Variants in CSGALNACT1 observed in about 807,000 individuals in gnomAD.
CSGALNACT1 encodes the protein chondroitin sulfate N-acetylgalactosaminyltransferase 1.
Under a neutral mutation model 51.0 loss-of-function variants are expected in CSGALNACT1, and 52 were observed. The ratio of observed to expected loss-of-function variants is 1.02; its 90% CI spans 0.82 to 1.29. The LOEUF (loss-of-function observed/expected upper bound fraction) is 1.29. Ranked by LOEUF, CSGALNACT1 falls within the 50% of genes most tolerant of loss-of-function variation. CSGALNACT1 has a pLI of 0.00. For missense variants in CSGALNACT1, 935 were observed against 679.2 expected, an observed-to-expected ratio of 1.38 and a Z score of -4.19; for synonymous variants, 341 against 254.4, an observed-to-expected ratio of 1.34 and a Z score of -3.24.
chr8:19,688,574 G>A (rs2061110479), intron 1 of CSGALNACT1: 1 of 152,136 alleles, frequency 6.6e-6, no homozygotes, highest in African/African-American at 2.4e-5. Flanking sequence ...ATACATGATA[G>A]AAACAATGCC....
intron 3 of CSGALNACT1, among the ~76,000 whole-genome samples, chr8:19,540,999 T>C (rs554531135): frequency 2.0e-5 from 3 of 152,276 alleles, no homozygotes; most frequent in Admixed American, 1.3e-4. Flanking sequence ...AAAGAAAGAA[T>C]GACATCTTAA....
rs539458766 is a variant in CSGALNACT1, at chr8:19,707,288, A to T, written c.-297+50562T>A. Among the ~76,000 whole-genome samples, 109 of 152,340 alleles carry T rather than the reference A, an allele frequency of 7.2e-4. 1 individual carries two copies. Among genetic ancestry groups the T allele is most frequent in the Non-Finnish European group, 1.1e-3 (78 of 68,030 alleles). ...TAAGTGTTCTATAATTAGGCATAAC[A>T]AATTACAACTTTTAAATCTCAATTA... is the stretch of plus-strand genomic sequence containing the variant. On this transcript the variant is annotated intron_variant, in intron 1 of 1. Coordinates refer to the CSGALNACT1 transcript ENST00000517494.
At chr8:19,504,550 A>G (rs2076961637) in intron 4 of CSGALNACT1, among the ~76,000 whole-genome samples, 1 of 152,158 alleles carries the variant, frequency 6.6e-6, no homozygotes, top group African/African-American at 2.4e-5. Context: ...ACAAACACAA[A>G]TTAATACTAG....
chr8:19,593,553 T>G (rs1465108205), intron 2 of CSGALNACT1, among the ~76,000 whole-genome samples: 1 of 152,190 alleles, frequency 6.6e-6, no homozygotes, highest in African/African-American at 2.4e-5. Context: ...AGATGACCCT[T>G]TGCATGCTGG....
At chr8:19,747,451 T>C (rs1179725177) in intron 1 of CSGALNACT1, among the ~76,000 whole-genome samples, 4 of 152,194 alleles carry the variant, frequency 2.6e-5, no homozygotes, top group Non-Finnish European at 4.4e-5. Flanking sequence ...CTGGATAAAT[T>C]CCTTTTTATA....
exon 10 of CSGALNACT1, chr8:19,405,718 A>C (rs1400970123): frequency 6.2e-7 from 1 of 1,603,038 alleles, no homozygotes; most frequent in African/African-American, 1.3e-5. Flanking sequence ...TCTCTGTTGC[A>C]GCCACTTTCA....
chr8:19,617,607 G>C (rs2053212864), intron 1 of CSGALNACT1, among the ~76,000 whole-genome samples: 1 of 152,088 alleles, frequency 6.6e-6, no homozygotes, highest in African/African-American at 2.4e-5. Flanking sequence ...ATTTACCACT[G>C]CTAGAAAAAA....
intron 3 of CSGALNACT1, among the ~76,000 whole-genome samples, chr8:19,551,816 A>G (rs568731674): frequency 1.3e-5 from 2 of 152,286 alleles, no homozygotes; most frequent in East Asian, 3.9e-4. Context: ...CTAGGAATTT[A>G]TATCTTATTT....
chr8:19,641,982 C>T (rs2056791520), intron 1 of CSGALNACT1: 1 of 152,178 alleles, frequency 6.6e-6, no homozygotes, highest in Non-Finnish European at 1.5e-5. Context: ...CCAATCACCT[C>T]TTCCTTGGGA....
intron 3 of CSGALNACT1, among the ~76,000 whole-genome samples, chr8:19,531,354 T>C (rs531689677): frequency 4.6e-5 from 7 of 152,322 alleles, no homozygotes; most frequent in South Asian, 4.1e-4. Context: ...GACGTTAATA[T>C]TGCCATTCCC....
upstream of CSGALNACT1, among the ~76,000 whole-genome samples, chr8:19,684,617 C>T (rs1226673011): frequency 2.0e-5 from 3 of 151,994 alleles, no homozygotes; most frequent in Admixed American, 1.3e-4. Context: ...AGGTATCGAG[C>T]CACCCTCCCT....
At chr8:19,612,436 T>TC (rs1443775444) in intron 1 of CSGALNACT1, among the ~76,000 whole-genome samples, 1 of 149,372 alleles carries the variant, frequency 6.7e-6, no homozygotes, top group Non-Finnish European at 1.5e-5. Flanking sequence ...CCCAGACACC[T>TC]CCCCATCCCC....
At chr8:19,587,773 G>C (rs1008732996) in intron 3 of CSGALNACT1, 2 of 152,116 alleles carry the variant, frequency 1.3e-5, no homozygotes, top group African/African-American at 4.8e-5. Context: ...TTATCAAAGG[G>C]GAAGGCTTTC....
chr8:19,602,545 C>G (rs1039180230), upstream of CSGALNACT1: 1 of 152,194 alleles, frequency 6.6e-6, no homozygotes, highest in African/African-American at 2.4e-5. Flanking sequence ...CCAGGGAGAA[C>G]GGTGGGCGCG....
At chr8:19,578,271 A>T (rs765686701) in intron 3 of CSGALNACT1, among the ~76,000 whole-genome samples, 1 of 152,196 alleles carries the variant, frequency 6.6e-6, no homozygotes, top group African/African-American at 2.4e-5. Context: ...CAGCCCTATT[A>T]TGTGAGCTAG....
intron 1 of CSGALNACT1, among the ~76,000 whole-genome samples, chr8:19,721,498 G>A (rs1564470330): frequency 1.3e-5 from 2 of 152,128 alleles, no homozygotes; most frequent in Admixed American, 1.3e-4. Flanking sequence ...TAAGAAACTC[G>A]GAGGAATAAT....
rs560533569 is a variant in CSGALNACT1 at position 19,666,760 on chromosome 8, GAAGAAAGAAAGAAAGAAAGAAAGA to G, written c.-544+15689_-544+15712del. Among the ~76,000 whole-genome samples, 163 of 56,592 alleles carry G rather than the reference GAAGAAAGAAAGAAAGAAAGAAAGA, an allele frequency of 2.9e-3. 4 individuals are homozygous for G. Among genetic ancestry groups the G allele is most frequent in the African/African-American group, 7.1e-3 (90 of 12,606 alleles). The allele number at this position is 56,592 out of a possible 152,430, so 37.1% of individuals were successfully genotyped here. A position where few individuals can be genotyped will look rare whatever the true frequency, so the allele number is the denominator to read the frequency against. On this transcript the variant is annotated intron_variant, in intron 1 of 9. Transcript: ENST00000332246. The stretch of plus-strand genomic sequence containing the variant: ...AGAAACACAAGAAACAAGAAAGAAA[GAAGAAAGAAAGAAAGAAAGAAAGA>G]AAGAAAGAAAGAAAGAAAGAAAGAA...
exon 10 of CSGALNACT1, chr8:19,404,224 T>C (rs1182896832): frequency 2.5e-6 from 1 of 403,338 alleles, no homozygotes. Context: ...GCCTGTGTTT[T>C]AATTAAATTT....
chr8:19,692,158 T>TCACCTCC (rs1397646398), intron 1 of CSGALNACT1, among the ~76,000 whole-genome samples: 1 of 152,008 alleles, frequency 6.6e-6, no homozygotes, highest in African/African-American at 2.4e-5. Context: ...CATGATCCAA[T>TCACCTCC]CACCTCCCAC....
Sources: allele counts gnomAD v4.1 joint callset (sites outside exome capture counted in the v4.1 genomes callset), GRCh38; gene constraint gnomAD v4.1.1; transcripts MANE v1.5; gene names NCBI Gene and HGNC (gene_info 2026-07-23, HGNC 2026-07-21).